GALNTL6: variants seen among roughly 807,000 people sequenced by gnomAD.
GALNTL6 encodes polypeptide N-acetylgalactosaminyltransferase like 6, also known as polypeptide N-acetylgalactosaminyltransferase-like 6.
GALNTL6 carries 46 observed loss-of-function variants against 73.7 expected under a neutral mutation model. The ratio of observed to expected loss-of-function variants is 0.62; its 90% CI spans 0.49 to 0.80. GALNTL6 has a LOEUF of 0.80. GALNTL6 is among the 30% of genes least tolerant of loss of function. The pLI is 0.00. For synonymous variants in GALNTL6, 259 were observed against 263.7 expected, an observed-to-expected ratio of 0.98 and a Z score of 0.17; for missense variants, 604 against 755.0, an observed-to-expected ratio of 0.80 and a Z score of 2.34.
chr4:171,993,097 A>T (rs929427390), intron 2 of GALNTL6, among the ~76,000 whole-genome samples: 3 of 151,900 alleles, frequency 2.0e-5, no homozygotes, highest in Non-Finnish European at 4.4e-5. Context: ...CCCCAACAAC[A>T]CGGCATATTT....
chr4:172,761,311 G>A (rs1738071222), intron 5 of GALNTL6, among the ~76,000 whole-genome samples: 2 of 152,126 alleles, frequency 1.3e-5, no homozygotes, highest in South Asian at 2.1e-4. Context: ...GCAAACCTAG[G>A]AGGAAATATT....
intron 2 of GALNTL6, among the ~76,000 whole-genome samples, chr4:172,023,860 G>T (rs73870128): frequency 0.01 from 1,543 of 151,932 alleles, 25 homozygotes; most frequent in African/African-American, 0.035. Context: ...GGCAGTGTTT[G>T]CTCAAAACTC....
chr4:172,036,084 G>T (rs1372830652), intron 2 of GALNTL6, among the ~76,000 whole-genome samples: 1 of 151,918 alleles, frequency 6.6e-6, no homozygotes, highest in Non-Finnish European at 1.5e-5. Flanking sequence ...CTTTTGAAAG[G>T]ACATAGCCCA....
intron 5 of GALNTL6, among the ~76,000 whole-genome samples, chr4:172,429,032 G>C (rs1280460764): frequency 6.6e-6 from 1 of 151,910 alleles, no homozygotes; most frequent in Non-Finnish European, 1.5e-5. Flanking sequence ...GTTCATAGAT[G>C]GTTAAGACGT....
chr4:172,716,728 T>C (rs1735124953), intron 5 of GALNTL6, among the ~76,000 whole-genome samples: 1 of 152,146 alleles, frequency 6.6e-6, no homozygotes, highest in African/African-American at 2.4e-5. Context: ...AATGCAAAAA[T>C]CACAGCAGAA....
chr4:172,846,526 T>A (rs1236482786), intron 7 of GALNTL6, among the ~76,000 whole-genome samples: 1 of 151,998 alleles, frequency 6.6e-6, no homozygotes, highest in African/African-American at 2.4e-5. Flanking sequence ...CCAAATAGTA[T>A]TATTCAACAA....
At chr4:172,178,668 A>G (rs978787188) in intron 2 of GALNTL6, among the ~76,000 whole-genome samples, 1 of 91,392 alleles carries the variant, frequency 1.1e-5, no homozygotes, top group Non-Finnish European at 2.3e-5. Context: ...TTTTTTTTTT[A>G]TTATACTTTA....
At chr4:172,413,447 C>T (rs1257359127) in intron 5 of GALNTL6, among the ~76,000 whole-genome samples, 1 of 152,130 alleles carries the variant, frequency 6.6e-6, no homozygotes, top group African/African-American at 2.4e-5. Context: ...TGTTCATAAG[C>T]ATATGCCATA....
At chr4:172,392,997 T>C (rs1241424358) in intron 5 of GALNTL6, among the ~76,000 whole-genome samples, 1 of 151,990 alleles carries the variant, frequency 6.6e-6, no homozygotes, top group Non-Finnish European at 1.5e-5. Flanking sequence ...AGATTCTCAC[T>C]GGAGCACAAG....
At chr4:172,875,373 G>A (rs1579596131) in intron 7 of GALNTL6, among the ~76,000 whole-genome samples, 1 of 152,252 alleles carries the variant, frequency 6.6e-6, no homozygotes, top group African/African-American at 2.4e-5. Context: ...TAGACTAGGG[G>A]CATAATTTTG....
chr4:171,841,844 A>G (rs1196450193), intron 2 of GALNTL6, among the ~76,000 whole-genome samples: 1 of 152,114 alleles, frequency 6.6e-6, no homozygotes, highest in Non-Finnish European at 1.5e-5. Flanking sequence ...TAAGTATAGC[A>G]ATGTCCTCCC....
At chr4:172,881,630 T>C (rs947028434) in intron 7 of GALNTL6, among the ~76,000 whole-genome samples, 3 of 152,238 alleles carry the variant, frequency 2.0e-5, no homozygotes, top group African/African-American at 7.2e-5. Flanking sequence ...GTGTCTACTA[T>C]GGTTATGCAT....
intron 5 of GALNTL6, among the ~76,000 whole-genome samples, chr4:172,763,347 G>C (rs1019221622): frequency 6.6e-6 from 1 of 152,068 alleles, no homozygotes; most frequent in African/African-American, 2.4e-5. Flanking sequence ...AAACATCCCA[G>C]TCTTAGATTT....
chr4:172,633,102 G>A (rs377482557), intron 5 of GALNTL6, among the ~76,000 whole-genome samples: 1 of 152,204 alleles, frequency 6.6e-6, no homozygotes, highest in South Asian at 2.1e-4. Context: ...AGGGCAGTGT[G>A]GAAGGGAAAT....
chr4:172,254,158 G>A (rs1447580875), intron 3 of GALNTL6, among the ~76,000 whole-genome samples: 1 of 151,700 alleles, frequency 6.6e-6, no homozygotes, highest in East Asian at 1.9e-4. Context: ...ATTTACATAG[G>A]ATCATAGCTG....
intron 2 of GALNTL6, among the ~76,000 whole-genome samples, chr4:172,185,604 G>T (rs1735392667): frequency 6.6e-6 from 1 of 152,178 alleles, no homozygotes; most frequent in Non-Finnish European, 1.5e-5. Flanking sequence ...AACTGGATTT[G>T]TAGTAATTCT....
chr4:172,276,578 C>G (rs1274212216), intron 3 of GALNTL6, among the ~76,000 whole-genome samples: 1 of 152,106 alleles, frequency 6.6e-6, no homozygotes. Flanking sequence ...GTAATGCCAC[C>G]AGCACCACAA....
chr4:172,780,861 G>T (rs943779905), intron 5 of GALNTL6, among the ~76,000 whole-genome samples: 9 of 152,144 alleles, frequency 5.9e-5, no homozygotes, highest in African/African-American at 1.9e-4. Flanking sequence ...AACTACATCA[G>T]CTCCCTGGGC....
At chr4:172,323,730 C>T (rs902816523) in intron 4 of GALNTL6, among the ~76,000 whole-genome samples, 1 of 152,106 alleles carries the variant, frequency 6.6e-6, no homozygotes, top group Non-Finnish European at 1.5e-5. Context: ...ACTACCTGAA[C>T]TGTCATCTAT....
Sources: allele counts gnomAD v4.1 joint callset (sites outside exome capture counted in the v4.1 genomes callset), GRCh38; gene constraint gnomAD v4.1.1; transcripts MANE v1.5; gene names NCBI Gene and HGNC (gene_info 2026-07-23, HGNC 2026-07-21).